Variants in IL3RA observed in about 807,000 individuals in gnomAD.
IL3RA encodes interleukin 3 receptor subunit alpha, also known as interleukin-3 receptor subunit alpha.
Under a neutral mutation model 52.3 loss-of-function variants are expected in IL3RA, and 73 were observed. The observed-to-expected ratio is 1.40, with a 90% CI of 1.16 to 1.70. The LOEUF is 1.70. Ranked by LOEUF, IL3RA falls within the 40% of genes most tolerant of loss-of-function variation. The pLI, the probability that IL3RA is intolerant of heterozygous loss-of-function variation, is 0.00. For synonymous variants in IL3RA, 260 were observed against 194.0 expected, an observed-to-expected ratio of 1.34 and a Z score of -2.83; for missense variants, 664 against 504.4, an observed-to-expected ratio of 1.32 and a Z score of -3.03.
At position 1,365,211 on chromosome X, in the gene IL3RA, T is replaced by G; in HGVS notation, c.833T>G (p.Val278Gly). Residue 278 changes from valine to glycine, a missense_variant, in exon 9 of 12, where the codon GTG (valine) becomes GGG (glycine). Coordinates refer to ENST00000331035, the MANE Select transcript of IL3RA (RefSeq NM_002183.4). ...YTVQIRARER[V>G]YEFLSAWSTP... is the part of the protein sequence containing the mutation. The stretch of plus-strand genomic sequence containing the variant: ...GTACAAATAAGAGCCCGGGAAAGAG[T>G]GTATGAATTCTTGAGCGCCTGGAGC... The G allele has an allele frequency of 6.2e-7, 1 of 1,610,682 alleles. No homozygotes were observed. Among genetic ancestry groups the G allele is most frequent in the Non-Finnish European group, 8.5e-7 (1 of 1,178,764 alleles).
intron 8 of IL3RA, among the ~76,000 whole-genome samples, chrX:1,362,484 A>G (rs1286537426): frequency 1.6e-5 from 2 of 128,026 alleles, no homozygotes; most frequent in East Asian, 4.6e-4. Context: ...CTCTCTGTCC[A>G]TCACCCACTA....
Position 1,341,799 on chromosome X carries a change from G to A in IL3RA, c.34G>A (p.Ala12Thr), listed in dbSNP as rs6647004. 5.7e-4 allele frequency: 916 copies of A among 1,613,884 alleles called. 7 individuals are homozygous for A. In the African/African-American group the frequency reaches 0.011, roughly 19 times the overall value. The change falls in exon 2 of 12, where the codon GCC (alanine) becomes ACC (threonine). Residue 12 changes from alanine to threonine, a missense_variant. By Grantham distance (58) the Ala-to-Thr change is moderately conservative. Transcript: ENST00000331035. ...VLLWLTLLLIALPCLLQTKED... is the reference protein window; with the variant it reads ...VLLWLTLLLITLPCLLQTKED... Reference sequence around the variant, plus strand: ...CCTTTGGCTCACGCTGCTCCTGATCGCCCTGCCCTGTCTCCTGCAAACGAA... The same window carrying A: ...CCTTTGGCTCACGCTGCTCCTGATCACCCTGCCCTGTCTCCTGCAAACGAA...
intron 10 of IL3RA, 77 bp from the exon 11 acceptor site, chrX:1,380,943 CTGT>C (rs2089148993): frequency 1.4e-5 from 17 of 1,227,414 alleles, no homozygotes; most frequent in Non-Finnish European, 2.0e-5. Context: ...CTGGCACTGT[CTGT>C]CCTGGACACG....
intron 1 of IL3RA, among the ~76,000 whole-genome samples, chrX:1,337,236 T>C (rs2085351377): frequency 6.6e-6 from 1 of 152,248 alleles, no homozygotes; most frequent in Non-Finnish European, 1.5e-5. Flanking sequence ...CTGCTTTTTC[T>C]GTGTGCTTGC....
chrX:1,352,287 G>T (rs749865844), intron 5 of IL3RA, 35 bp from the exon 6 acceptor site: 10 of 1,613,140 alleles, frequency 6.2e-6, no homozygotes, highest in Non-Finnish European at 8.5e-6. Flanking sequence ...TGCCATCGGC[G>T]TGGGGTCGTC....
chrX:1,340,609 T>C (rs368979054), intron 1 of IL3RA, among the ~76,000 whole-genome samples: 3 of 152,338 alleles, frequency 2.0e-5, no homozygotes, highest in African/African-American at 7.2e-5. Flanking sequence ...CATATATTTA[T>C]GCACATGTGT....
At position 1,359,121 on chromosome X, in the gene IL3RA, G is replaced by C. The variant is rs112493615; in HGVS notation, c.759+234G>C. ...GGATATTTCACATCCCCAAATTGAG[G>C]GATGGGAAAAGGAAGAGTCAGGGAT... On this transcript the variant is annotated intron_variant, in intron 8 of 11. Transcript: ENST00000331035. Among the ~76,000 whole-genome samples the C allele has an allele frequency of 4.5e-3, 691 of 152,072 alleles. 8 individuals are homozygous for C. The highest frequency in any genetic ancestry group is 0.016 in the African/African-American group (663 of 41,454).
At chrX:1,365,586 G>C (rs2087926088) in intron 9 of IL3RA, among the ~76,000 whole-genome samples, 1 of 39,870 alleles carries the variant, frequency 2.5e-5, no homozygotes, top group Non-Finnish European at 3.9e-5. Flanking sequence ...GGTGAGCCGG[G>C]TGCGCGGGGT....
intron 10 of IL3RA, among the ~76,000 whole-genome samples, 163 bp from the exon 11 acceptor site, chrX:1,380,860 G>C (rs2089145330): frequency 6.6e-6 from 1 of 151,808 alleles, no homozygotes; most frequent in East Asian, 1.9e-4. Flanking sequence ...TGATGGTCGG[G>C]GGCGTGTCAG....
At chrX:1,338,742 C>T (rs1414533789) in intron 1 of IL3RA, among the ~76,000 whole-genome samples, 1 of 152,088 alleles carries the variant, frequency 6.6e-6, no homozygotes, top group African/African-American at 2.4e-5. Flanking sequence ...AGAGGAAGGA[C>T]GGGTCTTTAA....
intron 1 of IL3RA, 102 bp from the exon 2 acceptor site, chrX:1,341,626 T>C: frequency 1.2e-6 from 1 of 849,336 alleles, no homozygotes; most frequent in South Asian, 1.6e-5. Context: ...AGCAGCTCCT[T>C]CTGCTGTGAG....
chrX:1,362,219 T>C (rs2149091546), intron 8 of IL3RA, among the ~76,000 whole-genome samples: 1 of 152,172 alleles, frequency 6.6e-6, no homozygotes, highest in African/African-American at 2.4e-5. Flanking sequence ...TCTCTCTCTG[T>C]CCATCACCCA....
At chrX:1,358,389 A>G (rs759768749) in intron 7 of IL3RA, among the ~76,000 whole-genome samples, 1 of 150,848 alleles carries the variant, frequency 6.6e-6, no homozygotes, top group Non-Finnish European at 1.5e-5. Flanking sequence ...GCCAGGCGCG[A>G]TGGGGCATGC....
At chrX:1,337,935 A>G (rs1225080700) in intron 1 of IL3RA, among the ~76,000 whole-genome samples, 1 of 149,092 alleles carries the variant, frequency 6.7e-6, no homozygotes, top group Non-Finnish European at 1.5e-5. Context: ...AATATTATAC[A>G]GCCATGAAAA....
intron 2 of IL3RA, among the ~76,000 whole-genome samples, chrX:1,342,356 G>A (rs1338265823): frequency 3.3e-5 from 5 of 151,694 alleles, no homozygotes; most frequent in Admixed American, 1.3e-4. Flanking sequence ...GATAGAGACG[G>A]GATTTCACTA....
At chrX:1,341,164 G>A (rs1418004718) in intron 1 of IL3RA, among the ~76,000 whole-genome samples, 1 of 151,926 alleles carries the variant, frequency 6.6e-6, no homozygotes, top group Non-Finnish European at 1.5e-5. Context: ...GCCAGGCATG[G>A]TGGCGAGTGC....
chrX:1,361,356 G>C (rs1253022097), intron 8 of IL3RA, among the ~76,000 whole-genome samples: 7 of 152,080 alleles, frequency 4.6e-5, no homozygotes, highest in African/African-American at 1.7e-4. Flanking sequence ...AACAAAAGAG[G>C]GTTCCTGGAC....
intron 4 of IL3RA, among the ~76,000 whole-genome samples, chrX:1,348,850 C>T (rs1194854136): frequency 7.2e-6 from 1 of 139,694 alleles, no homozygotes; most frequent in Non-Finnish European, 1.5e-5. Context: ...TCCTCCTTCC[C>T]ACCCTACTTC....
intron 4 of IL3RA, among the ~76,000 whole-genome samples, chrX:1,348,926 CCCT>C (rs751704640): frequency 2.5e-4 from 36 of 146,342 alleles, no homozygotes; most frequent in Middle Eastern, 3.6e-3. Flanking sequence ...TTCCTTCTCT[CCCT>C]CCTCTTTTCC....
Sources: gnomAD v4.1 joint callset for allele counts (sites outside exome capture counted in the v4.1 genomes callset) on GRCh38, gnomAD v4.1.1 for gene constraint, MANE v1.5 for transcripts, NCBI Gene and HGNC (gene_info 2026-07-23, HGNC 2026-07-21) for gene names.